Variants in PRXL2A observed in about 807,000 individuals in gnomAD.
The protein encoded by PRXL2A is peroxiredoxin like 2A, also known as peroxiredoxin-like 2A.
A neutral mutation model predicts 25.6 loss-of-function variants in PRXL2A; 26 were observed. The observed-to-expected ratio is 1.02, with a 90% CI of 0.74 to 1.41. The LOEUF is 1.41. Among genes scored for constraint, PRXL2A ranks in the 40% most tolerant of loss-of-function variants. The pLI is 0.00. For missense variants in PRXL2A, 246 were observed against 273.9 expected (o/e 0.90, Z 0.72); for synonymous variants, 98 against 102.9 (o/e 0.95, Z 0.29).
chr10:80,414,488 C>G (rs1027414808), intron 1 of PRXL2A, among the ~76,000 whole-genome samples: 8 of 152,164 alleles, frequency 5.3e-5, no homozygotes, highest in Admixed American at 4.6e-4. Context: ...ACTGAAAAAA[C>G]AAGGTGATTA....
chr10:80,417,394 A>T (rs996721523), intron 1 of PRXL2A, among the ~76,000 whole-genome samples: 2 of 152,216 alleles, frequency 1.3e-5, no homozygotes, highest in African/African-American at 4.8e-5. Flanking sequence ...TACACAGGTC[A>T]ACTCCTTGCG....
At chr10:80,422,192 C>A (rs745511334) in intron 2 of PRXL2A, among the ~76,000 whole-genome samples, 2 of 152,002 alleles carry the variant, frequency 1.3e-5, no homozygotes, top group Admixed American at 6.6e-5. Context: ...AGGGACCTAC[C>A]GGGTATATAA....
At chr10:80,425,610 C>T (rs955078371) in intron 3 of PRXL2A, among the ~76,000 whole-genome samples, 8 of 152,208 alleles carry the variant, frequency 5.3e-5, no homozygotes, top group Middle Eastern at 6.8e-3. Context: ...GTCTGCTGGG[C>T]CCTTGTGTTA....
intron 1 of PRXL2A, among the ~76,000 whole-genome samples, chr10:80,415,168 G>A (rs1008193908): frequency 8.5e-5 from 13 of 152,194 alleles, no homozygotes; most frequent in African/African-American, 3.1e-4. Context: ...GTCTGTCCAT[G>A]GAGAGGCCTG....
chr10:80,417,746 CTT>C (rs1226334750), intron 1 of PRXL2A, among the ~76,000 whole-genome samples: 1 of 119,314 alleles, frequency 8.4e-6, no homozygotes, highest in South Asian at 3.1e-4. Flanking sequence ...TCTTCTTCAT[CTT>C]TTTTTTTTTG....
intron 1 of PRXL2A, among the ~76,000 whole-genome samples, chr10:80,412,260 G>C (rs1352974300): frequency 6.6e-6 from 1 of 152,140 alleles, no homozygotes; most frequent in African/African-American, 2.4e-5. Flanking sequence ...CCCTGCTAGT[G>C]AGCAGTAGAG....
At chr10:80,423,324 G>A (rs1401282305) in intron 3 of PRXL2A, among the ~76,000 whole-genome samples, 1 of 152,220 alleles carries the variant, frequency 6.6e-6, no homozygotes. Context: ...AGAGTGGTTA[G>A]TGGTCTGTTT....
chr10:80,412,378 A>T (rs113883884), intron 1 of PRXL2A, among the ~76,000 whole-genome samples: 1 of 152,208 alleles, frequency 6.6e-6, no homozygotes, highest in Non-Finnish European at 1.5e-5. Context: ...ATTGGAATTG[A>T]GTAGTTATAA....
intron 5 of PRXL2A, among the ~76,000 whole-genome samples, chr10:80,431,281 T>C (rs1047861219): frequency 1.4e-5 from 2 of 148,104 alleles, no homozygotes; most frequent in Non-Finnish European, 3.0e-5. Flanking sequence ...ATCTCTGCAG[T>C]GTGGTGGGCC....
At chr10:80,431,820 T>C (rs1293789677) in intron 5 of PRXL2A, among the ~76,000 whole-genome samples, 166 bp from the exon 6 acceptor site, 1 of 152,182 alleles carries the variant, frequency 6.6e-6, no homozygotes, top group Admixed American at 6.5e-5. Flanking sequence ...CTCCGGTCTA[T>C]CTTCCCTCAA....
chr10:80,428,548 A>G (rs1845130047), intron 5 of PRXL2A, among the ~76,000 whole-genome samples: 1 of 152,200 alleles, frequency 6.6e-6, no homozygotes, highest in Non-Finnish European at 1.5e-5. Flanking sequence ...GCGCACCCAT[A>G]GTCCCAGCTA....
At chr10:80,431,963 C>G (rs527464040) in intron 5 of PRXL2A, 23 bp from the exon 6 acceptor site, 1 of 1,529,528 alleles carries the variant, frequency 6.5e-7, no homozygotes, top group Non-Finnish European at 9.0e-7. Context: ...TGAGGACTGA[C>G]ATTATCTCTT....
rs948489410 is a variant in PRXL2A, at chr10:80,437,084, C to A, written c.*4985C>A. 6.6e-6 allele frequency: 1 copy of A among 152,242 alleles called. No individual in the cohort carries two copies. The highest frequency in any genetic ancestry group is 2.4e-5 in the African/African-American group (1 of 41,468). 9.4% of individuals were successfully genotyped at this position (152,242 alleles called of 1,614,324 possible). On this transcript the variant is annotated 3_prime_UTR_variant, in exon 6 of 6. Coordinates refer to ENST00000606162, the MANE Select transcript of PRXL2A (RefSeq NM_032333.5). ...CTGAGGGCTCACATACAATTATGAT[C>A]AAATAAATTTGTTTGCTTTTTCTCC... is the stretch of plus-strand genomic sequence containing the variant.
At chr10:80,408,873 C>G (rs1027403027) in intron 1 of PRXL2A, among the ~76,000 whole-genome samples, 3 of 152,218 alleles carry the variant, frequency 2.0e-5, no homozygotes, top group African/African-American at 7.2e-5. Flanking sequence ...ATGGAAAAAC[C>G]CTGCGCCCAG....
intron 3 of PRXL2A, 66 bp downstream of exon 3, chr10:80,422,574 C>G: frequency 7.7e-7 from 1 of 1,295,590 alleles, no homozygotes; most frequent in Non-Finnish European, 1.1e-6. Context: ...TGTTTTCCGG[C>G]CAGAACCAAG....
chr10:80,427,632 T>C, intron 5 of PRXL2A, 136 bp downstream of exon 5: 1 of 806,446 alleles, frequency 1.2e-6, no homozygotes, highest in Admixed American at 2.8e-5. Flanking sequence ...CCAGGGAACA[T>C]GAAGAAGGGA....
At chr10:80,409,357 C>T (rs916014760) in intron 1 of PRXL2A, among the ~76,000 whole-genome samples, 1 of 152,104 alleles carries the variant, frequency 6.6e-6, no homozygotes, top group African/African-American at 2.4e-5. Context: ...GAAGTCAAGG[C>T]CCAGCCGGTC....
intron 1 of PRXL2A, among the ~76,000 whole-genome samples, chr10:80,414,560 T>C (rs1844587807): frequency 6.6e-6 from 1 of 152,228 alleles, no homozygotes; most frequent in Admixed American, 6.5e-5. Context: ...CCGACTTCTT[T>C]CTTCTTTTCT....
chr10:80,419,561 G>C (rs1844788772), intron 1 of PRXL2A, among the ~76,000 whole-genome samples: 1 of 151,012 alleles, frequency 6.6e-6, no homozygotes, highest in South Asian at 2.1e-4. Context: ...GCCCACCTCG[G>C]CCTCCCAAAG....
Sources: gnomAD v4.1 joint callset for allele counts (sites outside exome capture counted in the v4.1 genomes callset) on GRCh38, gnomAD v4.1.1 for gene constraint, MANE v1.5 for transcripts, NCBI Gene and HGNC (gene_info 2026-07-23, HGNC 2026-07-21) for gene names.